Variants in GRM1 observed in about 807,000 individuals in gnomAD.
GRM1 encodes the protein metabotropic glutamate receptor 1.
A neutral mutation model predicts 90.9 loss-of-function variants in GRM1; 33 were observed. The observed-to-expected ratio is 0.36, with a 90% confidence interval of 0.28 to 0.49. The LOEUF (loss-of-function observed/expected upper bound fraction) is 0.49, where lower values mean the gene tolerates loss of function less well. Among genes scored for constraint, GRM1 ranks in the 20% least tolerant of loss-of-function variants. The probability of loss-of-function intolerance (pLI) is 0.99; values close to 1 mark genes in which losing one functional copy is unlikely to be tolerated. For missense variants in GRM1, 1,190 were observed against 1,534.3 expected, an observed-to-expected ratio of 0.78 and a Z score of 3.75; for synonymous variants, 700 against 613.2, an observed-to-expected ratio of 1.14 and a Z score of -2.09.
rs994254037 is a variant in GRM1, at chr6:146,157,693, T to C, written c.701-1655T>C. Among the ~76,000 whole-genome samples, 5 of 152,128 alleles carry C rather than the reference T, an allele frequency of 3.3e-5. No individual in the cohort carries two copies. In the East Asian group the frequency reaches 7.7e-4, roughly 23 times the overall value. On this transcript the variant is annotated intron_variant, in intron 1 of 7. Coordinates refer to ENST00000282753, the MANE Select transcript of GRM1 (RefSeq NM_001278064.2). ...ACAACTGTAGGAGAAACTCCTTGAATAGACAAAAAGTGATGGGATCTAGTG... is the reference window on the plus strand; with the variant it reads ...ACAACTGTAGGAGAAACTCCTTGAACAGACAAAAAGTGATGGGATCTAGTG...
At chr6:146,322,962 A>G (rs1280408312) in intron 3 of GRM1, among the ~76,000 whole-genome samples, 2 of 152,122 alleles carry the variant, frequency 1.3e-5, no homozygotes, top group Admixed American at 1.3e-4. Flanking sequence ...ATAGTATTCC[A>G]TGGTGTATAT....
intron 1 of GRM1, among the ~76,000 whole-genome samples, chr6:146,129,504 A>G (rs1776313247): frequency 2.6e-5 from 4 of 152,040 alleles, no homozygotes. Context: ...AAAAGCCAGA[A>G]CCTCCATGGC....
At chr6:146,232,011 T>C (rs1780466783) in intron 2 of GRM1, among the ~76,000 whole-genome samples, 1 of 152,100 alleles carries the variant, frequency 6.6e-6, no homozygotes, top group Non-Finnish European at 1.5e-5. Context: ...AATTAAATGT[T>C]TGGTAAAAGT....
chr6:146,128,327 T>A (rs372326312), intron 1 of GRM1, among the ~76,000 whole-genome samples: 1 of 152,136 alleles, frequency 6.6e-6, no homozygotes, highest in East Asian at 1.9e-4. Flanking sequence ...TAATAGGATA[T>A]GTTTATCAAG....
intron 2 of GRM1, among the ~76,000 whole-genome samples, chr6:146,235,559 T>G (rs1583202546): frequency 6.6e-6 from 1 of 152,132 alleles, no homozygotes; most frequent in Non-Finnish European, 1.5e-5. Flanking sequence ...TTTCACAGAT[T>G]TTGAATATTC....
At chr6:146,151,731 C>A (rs542208834) in intron 1 of GRM1, among the ~76,000 whole-genome samples, 2 of 152,254 alleles carry the variant, frequency 1.3e-5, no homozygotes, top group African/African-American at 4.8e-5. Context: ...ATTATTTTCT[C>A]TCCTGAGATC....
At chr6:146,101,150 G>C (rs562253186) in intron 1 of GRM1, among the ~76,000 whole-genome samples, 2 of 152,224 alleles carry the variant, frequency 1.3e-5, no homozygotes, top group South Asian at 4.2e-4. Flanking sequence ...ATGTGAATTT[G>C]CTATATATTT....
intron 1 of GRM1, among the ~76,000 whole-genome samples, chr6:146,084,130 C>T (rs1015753465): frequency 6.6e-6 from 1 of 151,804 alleles, no homozygotes; most frequent in Non-Finnish European, 1.5e-5. Context: ...CTCTTTTCTT[C>T]TTTATTACTC....
chr6:146,206,362 A>T (rs756304602), intron 2 of GRM1, among the ~76,000 whole-genome samples: 10 of 152,096 alleles, frequency 6.6e-5, no homozygotes, highest in Non-Finnish European at 1.2e-4. Context: ...AGGAAGAAGG[A>T]GTTGCTATCC....
At chr6:146,295,710 A>T (rs1336392523) in intron 2 of GRM1, among the ~76,000 whole-genome samples, 2 of 151,990 alleles carry the variant, frequency 1.3e-5, no homozygotes, top group Non-Finnish European at 2.9e-5. Context: ...TTATTGAGAG[A>T]TTATCTTAGT....
At chr6:146,317,976 T>A (rs1410517643) in intron 3 of GRM1, among the ~76,000 whole-genome samples, 1 of 152,210 alleles carries the variant, frequency 6.6e-6, no homozygotes, top group Non-Finnish European at 1.5e-5. Context: ...GGGCAAATCT[T>A]ATGGTTGGAA....
chr6:146,334,588 A>C (rs1784702728), intron 3 of GRM1, among the ~76,000 whole-genome samples: 1 of 152,182 alleles, frequency 6.6e-6, no homozygotes, highest in Non-Finnish European at 1.5e-5. Flanking sequence ...TTCTGTCCTC[A>C]GAATTTGTTA....
At chr6:146,262,413 A>G (rs1781731590) in intron 2 of GRM1, among the ~76,000 whole-genome samples, 1 of 152,030 alleles carries the variant, frequency 6.6e-6, no homozygotes, top group South Asian at 2.1e-4. Flanking sequence ...GTGTGTCTCT[A>G]TTTATAATTT....
intron 2 of GRM1, among the ~76,000 whole-genome samples, chr6:146,236,880 G>C (rs1175952120): frequency 1.3e-5 from 2 of 152,096 alleles, no homozygotes; most frequent in African/African-American, 2.4e-5. Flanking sequence ...GTCAAGTGTG[G>C]TGGCATCCAG....
At chr6:146,227,751 A>C (rs777891486) in intron 2 of GRM1, among the ~76,000 whole-genome samples, 21 of 152,202 alleles carry the variant, frequency 1.4e-4, no homozygotes, top group Non-Finnish European at 2.6e-4. Context: ...GAATGGGGAA[A>C]TCTTTTTATT....
At chr6:146,329,867 G>A (rs534824823) in intron 3 of GRM1, among the ~76,000 whole-genome samples, 1 of 152,118 alleles carries the variant, frequency 6.6e-6, no homozygotes, top group African/African-American at 2.4e-5. Flanking sequence ...ATTGAATACT[G>A]TACTGAAAGT....
At chr6:146,064,856 C>T (rs994205082) in intron 1 of GRM1, among the ~76,000 whole-genome samples, 48 of 151,166 alleles carry the variant, frequency 3.2e-4, no homozygotes, top group African/African-American at 1.1e-3. Flanking sequence ...ATTTGATGAG[C>T]CTAATAGTTA....
intron 3 of GRM1, among the ~76,000 whole-genome samples, chr6:146,318,918 G>A (rs1470762559): frequency 6.6e-6 from 1 of 152,086 alleles, no homozygotes; most frequent in Non-Finnish European, 1.5e-5. Context: ...AGATGGATAG[G>A]TTACAAAAAT....
chr6:146,234,565 A>G (rs951430023), intron 2 of GRM1, among the ~76,000 whole-genome samples: 3 of 151,990 alleles, frequency 2.0e-5, no homozygotes, highest in Admixed American at 2.0e-4. Flanking sequence ...ACTACTTCAT[A>G]TTCAGTGTAA....
Sources: gnomAD v4.1 joint callset for allele counts (sites outside exome capture counted in the v4.1 genomes callset) on GRCh38, gnomAD v4.1.1 for gene constraint, MANE v1.5 for transcripts, NCBI Gene and HGNC (gene_info 2026-07-23, HGNC 2026-07-21) for gene names.